The following PTPRD variants were observed in gnomAD, a reference collection of about 807,000 sequenced individuals.
PTPRD encodes receptor-type tyrosine-protein phosphatase delta.
A neutral mutation model predicts 214.5 loss-of-function variants in PTPRD; 34 were observed. That is an observed-to-expected ratio of 0.16 (90% CI 0.12 to 0.21). The LOEUF is 0.21. Ranked by LOEUF, PTPRD falls within the 10% of genes least tolerant of loss-of-function variation. The pLI, the probability that PTPRD is intolerant of heterozygous loss-of-function variation, is 1.00. For missense variants in PTPRD, 2,545 were observed against 2,398.7 expected (o/e 1.06, Z -1.27); for synonymous variants, 1,128 against 845.7 (o/e 1.33, Z -5.79).
At chr9:9,726,090 A>T (rs7047812) in intron 7 of PTPRD, among the ~76,000 whole-genome samples, 10 of 152,074 alleles carry the variant, frequency 6.6e-5, no homozygotes, top group Admixed American at 2.0e-4. Flanking sequence ...TTGTTTTTTA[A>T]GGACAACTTG....
intron 43 of PTPRD, among the ~76,000 whole-genome samples, chr9:8,333,219 T>A (rs1002312616): frequency 6.6e-6 from 1 of 152,182 alleles, no homozygotes; most frequent in Non-Finnish European, 1.5e-5. Context: ...TCCCTCTGTT[T>A]CTGGAAAAGA....
At chr9:10,221,114 G>A (rs753296034) in intron 3 of PTPRD, among the ~76,000 whole-genome samples, 9 of 151,956 alleles carry the variant, frequency 5.9e-5, no homozygotes, top group South Asian at 2.1e-4. Flanking sequence ...TGCTCACTGG[G>A]AAAAGAAGTT....
chr9:8,481,526 G>A (rs762012494), intron 30 of PTPRD, among the ~76,000 whole-genome samples: 2 of 151,964 alleles, frequency 1.3e-5, no homozygotes, highest in Non-Finnish European at 2.9e-5. Context: ...TGGAGTTTGG[G>A]GAGTTTTTGA....
intron 4 of PTPRD, among the ~76,000 whole-genome samples, chr9:10,029,586 G>T (rs2097012875): frequency 6.6e-6 from 1 of 152,166 alleles, no homozygotes; most frequent in Non-Finnish European, 1.5e-5. Context: ...GATTTGCATG[G>T]GGCCTGTAGC....
chr9:9,500,047 T>A (rs1322629043), intron 8 of PTPRD, among the ~76,000 whole-genome samples: 1 of 152,164 alleles, frequency 6.6e-6, no homozygotes, highest in African/African-American at 2.4e-5. Flanking sequence ...AGGAGTAATT[T>A]GCAGAAGTAT....
chr9:9,028,427 T>C (rs2099594309), intron 10 of PTPRD, among the ~76,000 whole-genome samples: 1 of 152,000 alleles, frequency 6.6e-6, no homozygotes, highest in Admixed American at 6.6e-5. Context: ...TCATTTATCC[T>C]TCTAAAACAG....
chr9:9,851,960 T>G (rs1175996698), intron 5 of PTPRD, among the ~76,000 whole-genome samples: 1 of 152,176 alleles, frequency 6.6e-6, no homozygotes, highest in Non-Finnish European at 1.5e-5. Context: ...GTTAACAGAC[T>G]TGCAAATTAA....
chr9:9,983,539 G>A (rs865823817), intron 4 of PTPRD, among the ~76,000 whole-genome samples: 6 of 152,216 alleles, frequency 3.9e-5, no homozygotes, highest in East Asian at 3.9e-4. Context: ...CAGCTACACC[G>A]TAAGCCCTAT....
At chr9:8,911,475 C>T (rs1370447159) in intron 11 of PTPRD, among the ~76,000 whole-genome samples, 1 of 150,524 alleles carries the variant, frequency 6.6e-6, no homozygotes, top group Non-Finnish European at 1.5e-5. Context: ...GAATGAATGA[C>T]AACACTTTTG....
rs574828370 is a variant in PTPRD, at chr9:8,507,536, A to G, written c.1544-102T>C. The G allele has an allele frequency of 5.4e-5, 76 of 1,403,676 alleles. No homozygotes were observed. In the African/African-American group the frequency reaches 9.8e-4, roughly 18 times the overall value. 87.0% of individuals were successfully genotyped at this position (1,403,676 alleles called of 1,614,324 possible). A position where few individuals can be genotyped will look rare whatever the true frequency, so the allele number is the denominator to read the frequency against. The stretch of plus-strand genomic sequence containing the variant: ...CTTAAACCTTTCGAAATCTGTACAC[A>G]TGTACCAGCTTAGTGGAAAACAAGC... On this transcript the variant is annotated intron_variant, in intron 21 of 45. Transcript: ENST00000381196.
intron 3 of PTPRD, among the ~76,000 whole-genome samples, chr9:10,042,191 C>T (rs539149961): frequency 1.3e-5 from 2 of 151,902 alleles, no homozygotes; most frequent in South Asian, 4.1e-4. Flanking sequence ...CAAATTTAAC[C>T]CCCTTTTCAC....
At chr9:9,504,121 G>GTC (rs968210990) in intron 8 of PTPRD, among the ~76,000 whole-genome samples, 2 of 151,562 alleles carry the variant, frequency 1.3e-5, no homozygotes, top group Non-Finnish European at 3.0e-5. Flanking sequence ...CCTTTACAGA[G>GTC]TCTCTCTCTA....
Position 8,754,141 on chromosome 9 carries a change from T to C in PTPRD, c.-103-20195A>G, listed in dbSNP as rs760404370. Among the ~76,000 whole-genome samples, 52 of 150,738 alleles carry C rather than the reference T, an allele frequency of 3.4e-4. No homozygotes were observed. The Middle Eastern group carries it at 0.01, about 30-fold the overall frequency. On this transcript the variant is annotated intron_variant, in intron 11 of 45. Transcript: ENST00000381196. ...GCCTGGGTGACAGAGCGAGACTCCATCTCAAAAAAAAGACTCATTCTTATA... is the reference window on the plus strand; with the variant it reads ...GCCTGGGTGACAGAGCGAGACTCCACCTCAAAAAAAAGACTCATTCTTATA...
chr9:10,518,735 T>C (rs569820466), intron 2 of PTPRD, among the ~76,000 whole-genome samples: 41 of 148,398 alleles, frequency 2.8e-4, no homozygotes, highest in Non-Finnish European at 4.3e-4. Flanking sequence ...GGTTTTACCG[T>C]GTTAGCCAAG....
intron 35 of PTPRD, among the ~76,000 whole-genome samples, chr9:8,409,847 T>A (rs984619049): frequency 2.0e-5 from 3 of 152,184 alleles, no homozygotes; most frequent in Non-Finnish European, 4.4e-5. Context: ...ATAGAAGGAA[T>A]AGACCAGTTA....
chr9:8,713,883 A>C, intron 12 of PTPRD: 1 of 1,039,446 alleles, frequency 9.6e-7, no homozygotes, highest in Non-Finnish European at 1.4e-6. Context: ...TAAACTCAGG[A>C]ACGCCCCGGT....
intron 14 of PTPRD, among the ~76,000 whole-genome samples, chr9:8,559,801 T>A (rs2085441957): frequency 1.3e-5 from 2 of 152,340 alleles, no homozygotes; most frequent in Middle Eastern, 3.4e-3. Context: ...CCATGAGAAG[T>A]CAGCTTCAAA....
rs1390365706 is a variant in PTPRD at position 8,979,285 on chromosome 9, G to A, written c.-104+39412C>T. ...AAAAAACTGAACAATAAACCTAACA[G>A]ATAATAATATCATGATATAAAAGTC... On this transcript the variant is annotated intron_variant, in intron 11 of 45. Transcript: ENST00000381196. Among the ~76,000 whole-genome samples, 3 of 152,036 alleles carry A rather than the reference G, an allele frequency of 2.0e-5. No homozygotes were observed. In the East Asian group the frequency reaches 5.8e-4, roughly 29 times the overall value.
chr9:9,525,370 A>G (rs2073881467), intron 8 of PTPRD, among the ~76,000 whole-genome samples: 1 of 152,198 alleles, frequency 6.6e-6, no homozygotes, highest in Non-Finnish European at 1.5e-5. Flanking sequence ...CGCTTATTGT[A>G]TATTGCTAAT....
Sources: allele counts gnomAD v4.1 joint callset (sites outside exome capture counted in the v4.1 genomes callset), GRCh38; gene constraint gnomAD v4.1.1; transcripts MANE v1.5; gene names NCBI Gene and HGNC (gene_info 2026-07-23, HGNC 2026-07-21).